Variants in LARGE1 observed in about 807,000 individuals in gnomAD.
The protein encoded by LARGE1 is xylosyl- and glucuronyltransferase LARGE1.
A neutral mutation model predicts 87.6 loss-of-function variants in LARGE1; 43 were observed. The ratio of observed to expected loss-of-function variants is 0.49; its 90% CI spans 0.38 to 0.63. The LOEUF (loss-of-function observed/expected upper bound fraction) is 0.63. LARGE1 is among the 30% of genes least tolerant of loss of function. The pLI, the probability that LARGE1 is intolerant of heterozygous loss-of-function variation, is 0.00. For synonymous variants in LARGE1, 434 were observed against 394.6 expected (o/e 1.10, Z -1.18); for missense variants, 802 against 1,000.2 (o/e 0.80, Z 2.67).
chr22:33,695,563 C>T (rs2082217734), intron 2 of LARGE1, among the ~76,000 whole-genome samples: 1 of 152,130 alleles, frequency 6.6e-6, no homozygotes, highest in Non-Finnish European at 1.5e-5. Flanking sequence ...TGTACCAAGA[C>T]CCTCTTACCA....
In LARGE1 at chr22:33,562,349, C is replaced by T. The variant is rs552729453; in HGVS notation, c.787+2499G>A. Among the ~76,000 whole-genome samples, 5 of 152,290 alleles carry T rather than the reference C, an allele frequency of 3.3e-5. No individual in the cohort carries two copies. The South Asian group carries it at 6.2e-4, about 19-fold the overall frequency. On this transcript the variant is annotated intron_variant, in intron 6 of 14. Transcript: ENST00000397394. Reference sequence around the variant, plus strand: ...CTCCTTTGCTGGTGATAGATAAAAACGCAATGCACTCTGCCTTGTTTCTGA... The same window carrying T: ...CTCCTTTGCTGGTGATAGATAAAAATGCAATGCACTCTGCCTTGTTTCTGA...
chr22:33,544,998 T>C (rs2148661789), intron 6 of LARGE1, among the ~76,000 whole-genome samples: 1 of 152,176 alleles, frequency 6.6e-6, no homozygotes, highest in South Asian at 2.1e-4. Context: ...GGAAGAAACG[T>C]ATGCTGAGCA....
At chr22:33,160,460 G>A (rs528450043), downstream of LARGE1, among the ~76,000 whole-genome samples, 10 of 152,196 alleles carry the variant, frequency 6.6e-5, no homozygotes, top group Middle Eastern at 3.4e-3. Context: ...TCTATTTCCC[G>A]TTCTCTACAA....
chr22:33,826,055 TTCTG>T (rs2062773539), intron 1 of LARGE1, among the ~76,000 whole-genome samples: 1 of 152,132 alleles, frequency 6.6e-6, no homozygotes, highest in Non-Finnish European at 1.5e-5. Flanking sequence ...GAGTGTTCAC[TTCTG>T]TCTTTTTTTA....
At chr22:33,568,569 C>A (rs1569277301) in intron 5 of LARGE1, among the ~76,000 whole-genome samples, 1 of 152,132 alleles carries the variant, frequency 6.6e-6, no homozygotes, top group South Asian at 2.1e-4. Flanking sequence ...GAGTTCGAGA[C>A]CAGCCTGAAC....
chr22:33,759,566 T>G (rs1415733437), intron 2 of LARGE1, among the ~76,000 whole-genome samples: 1 of 152,190 alleles, frequency 6.6e-6, no homozygotes, highest in Non-Finnish European at 1.5e-5. Context: ...ATACCTGGCC[T>G]GTAGAAATAC....
At chr22:33,137,815 T>C in the LARGE1 span, among the ~76,000 whole-genome samples, 1 of 152,048 alleles carries the variant, frequency 6.6e-6, no homozygotes, top group Admixed American at 6.5e-5. Context: ...AAGTCAAGAA[T>C]TGAGGTTTGG....
chr22:33,239,535 C>CTTTTTTTTTTTTT (rs71187254), intron 11 of LARGE1, among the ~76,000 whole-genome samples: 338 of 95,284 alleles, frequency 3.5e-3, no homozygotes, highest in East Asian at 4.5e-3. Context: ...TTTTTCTTTT[C>CTTTTTTTTTTTTT]TTTTTTTTTT....
At chr22:33,103,956 T>C in the LARGE1 span, among the ~76,000 whole-genome samples, 12 of 152,214 alleles carry the variant, frequency 7.9e-5, no homozygotes, top group Non-Finnish European at 1.8e-4. Context: ...AAGAAGTGCC[T>C]TTCACCTTCT....
chr22:33,137,235 G>A, the LARGE1 span: 1 of 152,312 alleles, frequency 6.6e-6, no homozygotes, highest in Admixed American at 6.5e-5. Flanking sequence ...TGCCCAGAGG[G>A]ATTTAAAGGA....
At chr22:33,588,104 C>T (rs1015739054) in intron 5 of LARGE1, among the ~76,000 whole-genome samples, 5 of 152,178 alleles carry the variant, frequency 3.3e-5, no homozygotes, top group African/African-American at 1.2e-4. Context: ...CTTACCAAGA[C>T]TTCTTCATTC....
intron 1 of LARGE1, among the ~76,000 whole-genome samples, chr22:33,786,104 A>G (rs1024613073): frequency 3.3e-5 from 5 of 152,176 alleles, no homozygotes; most frequent in Non-Finnish European, 7.3e-5. Flanking sequence ...CTAAATTACA[A>G]AAATTCCTCA....
At chr22:33,860,767 C>A (rs1365817861) in intron 1 of LARGE1, among the ~76,000 whole-genome samples, 1 of 152,190 alleles carries the variant, frequency 6.6e-6, no homozygotes, top group Non-Finnish European at 1.5e-5. Flanking sequence ...AACTACCAGG[C>A]CACTACCCTG....
At chr22:33,592,545 C>T (rs59603572) in intron 5 of LARGE1, among the ~76,000 whole-genome samples, 12,947 of 152,196 alleles carry the variant, frequency 0.085, 678 homozygotes, top group African/African-American at 0.14. Context: ...AAACCCAACT[C>T]ATACTCTCCA....
At chr22:33,263,028 G>A (rs758117343) in intron 11 of LARGE1, among the ~76,000 whole-genome samples, 3 of 151,866 alleles carry the variant, frequency 2.0e-5, no homozygotes, top group South Asian at 2.1e-4. Context: ...AAGCAGCTGC[G>A]ATTACAGGCA....
At chr22:33,780,420 G>C (rs917418430) in intron 1 of LARGE1, among the ~76,000 whole-genome samples, 1 of 147,966 alleles carries the variant, frequency 6.8e-6, no homozygotes, top group African/African-American at 2.5e-5. Context: ...GTGATACCCA[G>C]TCCCCAGCAG....
chr22:33,786,135 G>T (rs941130495), intron 1 of LARGE1, among the ~76,000 whole-genome samples: 1 of 152,126 alleles, frequency 6.6e-6, no homozygotes, highest in East Asian at 1.9e-4. Context: ...TGTCTTTTGG[G>T]CATAAGTAGG....
chr22:33,075,957 C>T, the LARGE1 span, among the ~76,000 whole-genome samples: 10 of 152,230 alleles, frequency 6.6e-5, no homozygotes, highest in Admixed American at 2.6e-4. Flanking sequence ...GAGTGAGTCA[C>T]CTTCCTTTGG....
rs79058535 is a variant in LARGE1 at position 33,207,076 on chromosome 22, G to A, written c.1731-40244C>T. On this transcript the variant is annotated intron_variant, in intron 11 of 11. Coordinates refer to the LARGE1 transcript ENST00000608642. Reference sequence around the variant, plus strand: ...ATACTGGAAGCTAGTGCCCCAAAACGGAGCACAGTGAGCCTTAAGCATCCC... The same window carrying A: ...ATACTGGAAGCTAGTGCCCCAAAACAGAGCACAGTGAGCCTTAAGCATCCC... 6.9e-3 allele frequency among the ~76,000 whole-genome samples: 1,055 copies of A among 152,264 alleles called. 11 individuals are homozygous for A. Among genetic ancestry groups the A allele is most frequent in the African/African-American group, 0.024 (1,003 of 41,544 alleles).
Sources: allele counts gnomAD v4.1 joint callset (sites outside exome capture counted in the v4.1 genomes callset), GRCh38; gene constraint gnomAD v4.1.1; transcripts MANE v1.5; gene names NCBI Gene and HGNC (gene_info 2026-07-23, HGNC 2026-07-21).